The following TEX10 variants were observed in gnomAD, a reference collection of about 807,000 sequenced individuals.
TEX10 encodes testis-expressed protein 10.
In TEX10, 24 loss-of-function variants were observed where a neutral mutation model predicts 104.4. The ratio of observed to expected loss-of-function variants is 0.23; its 90% confidence interval spans 0.17 to 0.32. The LOEUF (loss-of-function observed/expected upper bound fraction) is 0.32, where lower values mean the gene tolerates loss of function less well. Ranked by LOEUF, TEX10 falls within the 10% of genes least tolerant of loss-of-function variation. The pLI is 1.00. For missense variants in TEX10, 921 were observed against 1,083.9 expected (o/e 0.85, Z 2.11); for synonymous variants, 396 against 393.4 (o/e 1.01, Z -0.08).
chr9:100,332,612 G>A (rs2118896143), intron 5 of TEX10, among the ~76,000 whole-genome samples: 1 of 152,208 alleles, frequency 6.6e-6, no homozygotes, highest in African/African-American at 2.4e-5. Context: ...ACGAGGTCAG[G>A]AGATCGAGAC....
intron 13 of TEX10, 28 bp from the exon 14 acceptor site, chr9:100,303,870 A>G: frequency 6.2e-7 from 1 of 1,609,996 alleles, no homozygotes. Context: ...GAAATGAGTC[A>G]GTGAGCAAAT....
chr9:100,349,224 T>A lies in TEX10; in HGVS notation c.140A>T (p.Asp47Val). ...TCTATTGTTTGTTGGAAGTGTTCCA[T>A]CCTCTTTGAGTTGCTCAGGCAGATG... ...TIHLPEQLKE[D>V]GTLPTNNRKL... The change falls in exon 2 of 15, where the codon GAT becomes GTT. Residue 47 changes from aspartate to valine, a missense_variant. By Grantham distance (152) the Asp-to-Val change is radical (BLOSUM62 -3). This residue lies in a region of TEX10 where 118 missense variants were observed against 111.3 expected (regional missense o/e 1.06). Transcript: ENST00000374902. 6.3e-7 allele frequency: 1 copy of A among 1,574,976 alleles called. No individual in the cohort carries two copies. The highest frequency in any genetic ancestry group is 8.6e-7 in the Non-Finnish European group (1 of 1,166,676).
intron 1 of TEX10, 89 bp downstream of exon 1, chr9:100,352,683 G>C: frequency 3.7e-6 from 5 of 1,339,170 alleles, no homozygotes; most frequent in Non-Finnish European, 4.8e-6. Context: ...GACCCTGCCC[G>C]CTTGGGCCGC....
At chr9:100,324,033 C>T (rs902642439) in intron 9 of TEX10, among the ~76,000 whole-genome samples, 5 of 151,778 alleles carry the variant, frequency 3.3e-5, no homozygotes, top group African/African-American at 9.7e-5. Context: ...ATGAACTAAC[C>T]GTCAGTCTTT....
chr9:100,334,223 T>A (rs539971195), intron 5 of TEX10, among the ~76,000 whole-genome samples: 1 of 151,670 alleles, frequency 6.6e-6, no homozygotes, highest in East Asian at 1.9e-4. Context: ...CACTGTGAAA[T>A]TGCAGAAAAT....
chr9:100,327,292 C>A (rs1834730875), intron 8 of TEX10, among the ~76,000 whole-genome samples: 1 of 151,648 alleles, frequency 6.6e-6, no homozygotes, highest in African/African-American at 2.4e-5. Context: ...TTTTAAAATT[C>A]ATTGAACTGT....
chr9:100,314,872 G>C (rs1834376690), intron 11 of TEX10, among the ~76,000 whole-genome samples: 1 of 152,066 alleles, frequency 6.6e-6, no homozygotes, highest in African/African-American at 2.4e-5. Flanking sequence ...TTCCCTCTCA[G>C]CACTGCTTTT....
At chr9:100,318,499 T>A (rs1321143806) in intron 11 of TEX10, among the ~76,000 whole-genome samples, 1 of 152,180 alleles carries the variant, frequency 6.6e-6, no homozygotes, top group Non-Finnish European at 1.5e-5. Flanking sequence ...GATAGGAGAT[T>A]ACTTAATGGG....
Position 100,306,433 on chromosome 9 carries a change from G to C in TEX10, c.2465+2067C>G, listed in dbSNP as rs1250648980. On this transcript the variant is annotated intron_variant, in intron 13 of 14. Coordinates refer to ENST00000374902, the MANE Select transcript of TEX10 (RefSeq NM_017746.4). Reference sequence around the variant, plus strand: ...TAAAAATATAGATTACTACCTGTAAGATTACTACCTACAAACTAAGAGGGC... The same window carrying C: ...TAAAAATATAGATTACTACCTGTAACATTACTACCTACAAACTAAGAGGGC... The C allele has an allele frequency of 1.2e-4, 18 of 152,298 alleles. No homozygotes were observed. In the East Asian group the frequency reaches 3.1e-3, roughly 26 times the overall value. 9.4% of individuals were successfully genotyped at this position (152,298 alleles called of 1,614,324 possible).
intron 10 of TEX10, among the ~76,000 whole-genome samples, chr9:100,321,241 T>C (rs919814731): frequency 2.6e-5 from 4 of 152,338 alleles, no homozygotes; most frequent in African/African-American, 9.6e-5. Context: ...TTCAGCATAG[T>C]ATTGGATCTG....
At chr9:100,312,904 C>A (rs1377758169) in intron 11 of TEX10, among the ~76,000 whole-genome samples, 1 of 151,962 alleles carries the variant, frequency 6.6e-6, no homozygotes, top group East Asian at 1.9e-4. Context: ...AGCATTGTGA[C>A]CAGAGTCAAA....
At chr9:100,327,449 G>A (rs775223396) in intron 8 of TEX10, among the ~76,000 whole-genome samples, 2 of 150,468 alleles carry the variant, frequency 1.3e-5, no homozygotes, top group African/African-American at 2.4e-5. Flanking sequence ...AAAGTCATAC[G>A]AGATATTCAC....
rs756678341 is a variant in TEX10, at chr9:100,302,316, A to G, written c.2677-12T>C. 36 of 1,590,994 alleles carry G rather than the reference A, an allele frequency of 2.3e-5. No individual in the cohort carries two copies. Among genetic ancestry groups the G allele is most frequent in the Non-Finnish European group, 3.1e-5 (36 of 1,161,382 alleles). The stretch of plus-strand genomic sequence containing the variant: ...CCACTCTTCAATGTCTGGAGAGAAA[A>G]ACAAGAGTAATCTGAGAACTGCACC... On this transcript the variant is annotated splice_polypyrimidine_tract_variant and intron_variant, in intron 14 of 14. Coordinates refer to ENST00000374902, the MANE Select transcript of TEX10 (RefSeq NM_017746.4).
At chr9:100,337,409 C>T (rs141828264) in intron 5 of TEX10, among the ~76,000 whole-genome samples, 1 of 152,156 alleles carries the variant, frequency 6.6e-6, no homozygotes, top group Non-Finnish European at 1.5e-5. Flanking sequence ...CATGGAATGC[C>T]TTATTTGAAA....
intron 5 of TEX10, among the ~76,000 whole-genome samples, chr9:100,339,731 T>A (rs550432305): frequency 6.6e-6 from 1 of 152,314 alleles, no homozygotes; most frequent in South Asian, 2.1e-4. Context: ...CACATTTATC[T>A]GCTCTTACTT....
rs1005688567 is a variant in TEX10, at chr9:100,340,179, T to C, written c.1250+78A>G. On this transcript the variant is annotated intron_variant, in intron 5 of 14. Transcript: ENST00000374902. ...ATACACAGCAGTGTAGAAAGTTCCA[T>C]ATTAAGGTTAATTACTTCCTGATAA... The C allele has an allele frequency of 3.4e-5, 29 of 843,438 alleles. No individual in the cohort carries two copies. The African/African-American group carries it at 4.6e-4, about 13-fold the overall frequency. The allele number at this position is 843,438 out of a possible 1,614,324, so 52.2% of individuals were successfully genotyped here. A position where few individuals can be genotyped will look rare whatever the true frequency, so the allele number is the denominator to read the frequency against.
chr9:100,345,868 A>AAT (rs66971967), intron 4 of TEX10, among the ~76,000 whole-genome samples: 90 of 150,142 alleles, frequency 6.0e-4, no homozygotes, highest in East Asian at 1.4e-3. Flanking sequence ...ATTTCACTTA[A>AAT]ATATATATAT....
intron 13 of TEX10, chr9:100,304,083 TGAGA>T: frequency 1.8e-6 from 1 of 544,422 alleles, no homozygotes; most frequent in Non-Finnish European, 3.3e-6. Context: ...AGAACACTGC[TGAGA>T]GAAATCACAG....
intron 13 of TEX10, among the ~76,000 whole-genome samples, 162 bp downstream of exon 13, chr9:100,308,338 C>A (rs1834190568): frequency 6.6e-6 from 1 of 152,108 alleles, no homozygotes; most frequent in South Asian, 2.1e-4. Flanking sequence ...AAAGGGGATT[C>A]ATGAAGGAAC....
Sources: gnomAD v4.1 joint callset for allele counts (sites outside exome capture counted in the v4.1 genomes callset) on GRCh38, gnomAD v4.1.1 for gene constraint, gnomAD v4.1.1 regional missense constraint, MANE v1.5 for transcripts, NCBI Gene and HGNC (gene_info 2026-07-23, HGNC 2026-07-21) for gene names.